NXPH2: variants seen among roughly 807,000 people sequenced by gnomAD.
NXPH2 encodes the protein neurexophilin-2.
Under a neutral mutation model 19.8 loss-of-function variants are expected in NXPH2, and 5 were observed. The observed-to-expected ratio is 0.25, with a 90% CI of 0.13 to 0.53. The LOEUF (loss-of-function observed/expected upper bound fraction) is 0.53, where lower values mean the gene tolerates loss of function less well. Ranked by LOEUF, NXPH2 falls within the 20% of genes least tolerant of loss-of-function variation. The probability of loss-of-function intolerance (pLI) is 0.96; values close to 1 mark genes in which losing one functional copy is unlikely to be tolerated. For synonymous variants in NXPH2, 154 were observed against 127.4 expected (o/e 1.21, Z -1.41); for missense variants, 289 against 322.8 (o/e 0.90, Z 0.80).
chr2:138,678,267 C>T (rs2104967353), intron 1 of NXPH2, among the ~76,000 whole-genome samples: 1 of 152,270 alleles, frequency 6.6e-6, no homozygotes, highest in African/African-American at 2.4e-5. Context: ...GGAGGAAATA[C>T]ACAGAGGTAA....
chr2:138,757,779 A>G (rs1338668585), intron 1 of NXPH2, among the ~76,000 whole-genome samples: 1 of 150,190 alleles, frequency 6.7e-6, no homozygotes, highest in Non-Finnish European at 1.5e-5. Flanking sequence ...GCATGTGTGT[A>G]TGTATGTGTA....
intron 1 of NXPH2, among the ~76,000 whole-genome samples, chr2:138,775,090 G>A (rs1233366083): frequency 6.6e-6 from 1 of 152,152 alleles, no homozygotes; most frequent in African/African-American, 2.4e-5. Flanking sequence ...ACTGAAGTGA[G>A]CACAAGAATG....
At chr2:138,779,928 C>G (rs1204800594) in intron 1 of NXPH2, among the ~76,000 whole-genome samples, 2 of 152,192 alleles carry the variant, frequency 1.3e-5, no homozygotes, top group South Asian at 2.1e-4. Flanking sequence ...GGACCTACTT[C>G]CCGGCCACCT....
chr2:138,680,814 C>T (rs1053344554), intron 1 of NXPH2, among the ~76,000 whole-genome samples: 1 of 152,172 alleles, frequency 6.6e-6, no homozygotes, highest in Non-Finnish European at 1.5e-5. Flanking sequence ...GGAATTTATA[C>T]TCCTTTGTAT....
At chr2:138,730,402 A>G (rs35095834) in intron 1 of NXPH2, among the ~76,000 whole-genome samples, 31,803 of 151,888 alleles carry the variant, frequency 0.21, 3,925 homozygotes, top group East Asian at 0.54. Context: ...ATATAGTCAC[A>G]TTTTGAGGTC....
chr2:138,757,658 T>A lies in NXPH2; in HGVS notation c.51+22533A>T, dbSNP rs1322117612. Among the ~76,000 whole-genome samples the A allele has an allele frequency of 2.6e-5, 4 of 152,244 alleles. No individual in the cohort carries two copies. The East Asian group carries it at 7.8e-4, about 30-fold the overall frequency. On this transcript the variant is annotated intron_variant, in intron 1 of 1. Coordinates refer to ENST00000272641, the MANE Select transcript of NXPH2 (RefSeq NM_007226.3). ...ACAGAGAAAACAGGCTTACAGAGAC[T>A]GATTACCCAGCCTCTAAATTGTGTA...
At chr2:138,752,149 T>A (rs1681837757) in intron 1 of NXPH2, among the ~76,000 whole-genome samples, 1 of 152,188 alleles carries the variant, frequency 6.6e-6, no homozygotes, top group Admixed American at 6.6e-5. Flanking sequence ...AAAGTCCACA[T>A]ATGATTTCTT....
Position 138,671,540 on chromosome 2 carries a change from A to C in NXPH2, c.177T>G (p.Phe59Leu), listed in dbSNP as rs893137157. Residue 59 changes from phenylalanine to leucine, a missense_variant, in exon 2 of 2, where the codon TTT (phenylalanine) becomes TTG (leucine). Phe to Leu is a conservative substitution (Grantham distance 22, BLOSUM62 0). Coordinates refer to ENST00000272641, the MANE Select transcript of NXPH2 (RefSeq NM_007226.3). Reference sequence around the variant, plus strand: ...GCTTGGGCACCGGAGACTGTTTAACAAACAGGCGCAGGGGACTGATGATCC... The same window carrying C: ...GCTTGGGCACCGGAGACTGTTTAACCAACAGGCGCAGGGGACTGATGATCC... ...HSRIISPLRL[F>L]VKQSPVPKPG... 3 of 1,613,896 alleles carry C rather than the reference A, an allele frequency of 1.9e-6. No homozygotes were observed. Among genetic ancestry groups the C allele is most frequent in the African/African-American group, 2.7e-5 (2 of 74,936 alleles).
At position 138,739,614 on chromosome 2, in the gene NXPH2, G is replaced by T. The variant is rs146947892; in HGVS notation, c.51+40577C>A. On this transcript the variant is annotated intron_variant, in intron 1 of 1. Transcript: ENST00000272641. ...GGCTGGTGGGACATGGTGGGGGCAG[G>T]TTACTGAGGGACTTAGATGCCAGGT... 4.7e-4 allele frequency among the ~76,000 whole-genome samples: 71 copies of T among 152,268 alleles called. 1 individual carries two copies. Among genetic ancestry groups the T allele is most frequent in the African/African-American group, 1.7e-3 (71 of 41,558 alleles).
chr2:138,714,592 A>G (rs573963160), intron 1 of NXPH2, among the ~76,000 whole-genome samples: 37 of 152,288 alleles, frequency 2.4e-4, no homozygotes, highest in African/African-American at 8.2e-4. Context: ...GCTTCCCTAC[A>G]AATTGGAAAT....
At chr2:138,700,191 C>T (rs1680898623) in intron 1 of NXPH2, among the ~76,000 whole-genome samples, 1 of 152,196 alleles carries the variant, frequency 6.6e-6, no homozygotes, top group Non-Finnish European at 1.5e-5. Flanking sequence ...ATTATCCCTA[C>T]AGCGATGCAT....
intron 1 of NXPH2, among the ~76,000 whole-genome samples, chr2:138,721,165 C>G (rs753485565): frequency 1.3e-5 from 2 of 151,960 alleles, no homozygotes; most frequent in South Asian, 4.2e-4. Flanking sequence ...AATGGTGAAA[C>G]CCCCATCTCT....
At chr2:138,727,011 T>C (rs1681370475) in intron 1 of NXPH2, among the ~76,000 whole-genome samples, 1 of 152,208 alleles carries the variant, frequency 6.6e-6, no homozygotes, top group Non-Finnish European at 1.5e-5. Flanking sequence ...CTAGATGCCA[T>C]ATAGTTGGAA....
chr2:138,740,112 A>T (rs1471295034), intron 1 of NXPH2, among the ~76,000 whole-genome samples: 1 of 152,120 alleles, frequency 6.6e-6, no homozygotes, highest in East Asian at 1.9e-4. Flanking sequence ...TGGGGTCAAG[A>T]TCACACTGGA....
intron 1 of NXPH2, among the ~76,000 whole-genome samples, chr2:138,764,214 C>A (rs966420030): frequency 2.0e-5 from 3 of 152,102 alleles, no homozygotes; most frequent in African/African-American, 7.2e-5. Context: ...AACTGGCAGT[C>A]TTTCCCTTTG....
intron 1 of NXPH2, among the ~76,000 whole-genome samples, chr2:138,720,067 C>T (rs1457313491): frequency 6.6e-6 from 1 of 151,462 alleles, no homozygotes; most frequent in Non-Finnish European, 1.5e-5. Flanking sequence ...ATCATTCAAT[C>T]CAGTATAAAA....
intron 1 of NXPH2, among the ~76,000 whole-genome samples, chr2:138,734,722 T>C (rs1054290547): frequency 6.6e-6 from 1 of 151,884 alleles, no homozygotes; most frequent in Admixed American, 6.6e-5. Context: ...GTATGGAAAA[T>C]GGGGTGAAGA....
At position 138,678,269 on chromosome 2, in the gene NXPH2, C is replaced by T. The variant is rs914621341; in HGVS notation, c.52-6604G>A. 3.9e-5 allele frequency among the ~76,000 whole-genome samples: 6 copies of T among 152,288 alleles called. No homozygotes were observed. In the South Asian group the frequency reaches 1.2e-3, roughly 32 times the overall value. ...TTAGGGGTTTTGAGGAGGAAATACA[C>T]AGAGGTAAAGTGCGGCTTTCATCAC... On this transcript the variant is annotated intron_variant, in intron 1 of 1. Transcript: ENST00000272641.
At chr2:138,717,191 C>T (rs540929143) in intron 1 of NXPH2, among the ~76,000 whole-genome samples, 4 of 151,988 alleles carry the variant, frequency 2.6e-5, no homozygotes, top group Non-Finnish European at 4.4e-5. Context: ...TGTTATTAAA[C>T]GACCAAAGAC....
Sources: gnomAD v4.1 joint callset for allele counts (sites outside exome capture counted in the v4.1 genomes callset) on GRCh38, gnomAD v4.1.1 for gene constraint, MANE v1.5 for transcripts, NCBI Gene and HGNC (gene_info 2026-07-23, HGNC 2026-07-21) for gene names.